Variants in OTOGL observed in about 807,000 individuals in gnomAD.
The protein encoded by OTOGL is otogelin-like protein.
In OTOGL, 285 loss-of-function variants were observed where a neutral mutation model predicts 318.5. The ratio of observed to expected loss-of-function variants is 0.89; its 90% CI spans 0.81 to 0.99. OTOGL has a LOEUF of 0.99. Ranked by LOEUF, OTOGL falls within the 50% of genes least tolerant of loss-of-function variation. The pLI, the probability that OTOGL is intolerant of heterozygous loss-of-function variation, is 0.00. For synonymous variants in OTOGL, 987 were observed against 936.5 expected (o/e 1.05, Z -0.99); for missense variants, 2,899 against 2,845.6 (o/e 1.02, Z -0.43).
chr12:80,182,549 T>C (rs1300892342), intron 1 of OTOGL, among the ~76,000 whole-genome samples: 1 of 152,210 alleles, frequency 6.6e-6, no homozygotes, highest in Non-Finnish European at 1.5e-5. Flanking sequence ...TAGAGGTTGG[T>C]TGAAGGCATA....
chr12:80,228,444 A>AAAAC (rs148704604), intron 7 of OTOGL, among the ~76,000 whole-genome samples: 3,002 of 152,156 alleles, frequency 0.02, 92 homozygotes, highest in African/African-American at 0.069. Context: ...TCTATCTCAA[A>AAAAC]AAACAAACAA....
chr12:80,308,041 G>T (rs1393310841), intron 29 of OTOGL, among the ~76,000 whole-genome samples: 1 of 142,182 alleles, frequency 7.0e-6, no homozygotes, highest in African/African-American at 2.7e-5. Flanking sequence ...CTGGCCGCGC[G>T]GGGGGCTGAT....
chr12:80,320,710 C>G lies in OTOGL; in HGVS notation c.4081+10C>G, dbSNP rs560266718. Reference sequence around the variant, plus strand: ...AGCTTCAGCATAGAAGGTATGTTTCCTGAGATCTCCAAAAAGAGAACAAAT... The same window carrying G: ...AGCTTCAGCATAGAAGGTATGTTTCGTGAGATCTCCAAAAAGAGAACAAAT... On this transcript the variant is annotated intron_variant, in intron 34 of 58. Coordinates refer to ENST00000547103, the MANE Select transcript of OTOGL (RefSeq NM_001378609.3). 32 of 1,571,854 alleles carry G rather than the reference C, an allele frequency of 2.0e-5. No individual in the cohort carries two copies. The African/African-American group carries it at 3.8e-4, about 19-fold the overall frequency.
chr12:80,352,231 C>G, intron 44 of OTOGL, 64 bp from the exon 45 acceptor site: 3 of 1,394,626 alleles, frequency 2.2e-6, no homozygotes, highest in East Asian at 2.3e-5. Context: ...TAATCTTAGT[C>G]TAGCTTAGGG....
chr12:80,329,089 C>T lies in OTOGL; in HGVS notation c.4318C>T (p.Pro1440Ser), dbSNP rs374900074. 2.6e-6 allele frequency: 4 copies of T among 1,552,490 alleles called. No homozygotes were observed. In the African/African-American group the frequency reaches 5.6e-5, roughly 22 times the overall value. The change falls in exon 37 of 59, where the codon CCA becomes TCA. Residue 1440 changes from proline (P) to serine (S), a missense_variant. Pro to Ser is a moderately conservative substitution (Grantham distance 74, BLOSUM62 -1). Transcript: ENST00000547103. ...VIPTEPTLMP[P>S]AKPTVPMFTV... The stretch of plus-strand genomic sequence containing the variant: ...TCCCACAGAACCAACATTAATGCCA[C>T]CAGCTAAGCCAACTGTGCCCATGTT...
chr12:80,244,283 T>C (rs573074497), intron 11 of OTOGL, among the ~76,000 whole-genome samples: 59 of 149,890 alleles, frequency 3.9e-4, no homozygotes, highest in Non-Finnish European at 7.9e-4. Flanking sequence ...ACTCATCATC[T>C]AGCATTAGGT....
chr12:80,152,567 TG>T (rs921161268), intron 1 of OTOGL, among the ~76,000 whole-genome samples: 3 of 152,234 alleles, frequency 2.0e-5, no homozygotes, highest in African/African-American at 7.2e-5. Context: ...AAACAGTCTA[TG>T]GATGTAAGGT....
chr12:80,177,207 A>G (rs562100621), intron 1 of OTOGL, among the ~76,000 whole-genome samples: 1 of 152,238 alleles, frequency 6.6e-6, no homozygotes, highest in African/African-American at 2.4e-5. Context: ...TGCAAAAACC[A>G]AGGGAATGAA....
At chr12:80,146,792 T>A (rs1698630135) in intron 1 of OTOGL, among the ~76,000 whole-genome samples, 2 of 150,810 alleles carry the variant, frequency 1.3e-5, no homozygotes, top group African/African-American at 4.9e-5. Flanking sequence ...CTTGGGAGAG[T>A]GTATGTGTCG....
chr12:80,108,106 A>G (rs2137074033), intron 1 of OTOGL, among the ~76,000 whole-genome samples: 1 of 152,284 alleles, frequency 6.6e-6, no homozygotes, highest in Non-Finnish European at 1.5e-5. Flanking sequence ...ATAAAAGTTA[A>G]AAAGAAATAA....
intron 7 of OTOGL, among the ~76,000 whole-genome samples, chr12:80,224,899 T>C (rs1878686400): frequency 2.0e-5 from 3 of 152,054 alleles, no homozygotes; most frequent in African/African-American, 7.2e-5. Flanking sequence ...AAAAGTGTAA[T>C]TGGATTGTTT....
At chr12:80,340,780 G>T (rs897579050) in intron 43 of OTOGL, among the ~76,000 whole-genome samples, 1 of 152,170 alleles carries the variant, frequency 6.6e-6, no homozygotes. Context: ...ACACTGGAAT[G>T]AGAGGCTTAT....
intron 35 of OTOGL, among the ~76,000 whole-genome samples, chr12:80,326,249 TG>T (rs1887672786): frequency 6.6e-6 from 1 of 152,090 alleles, no homozygotes; most frequent in Non-Finnish European, 1.5e-5. Flanking sequence ...TAGATAAAAA[TG>T]TTTCATGAAA....
chr12:80,336,651 G>T, intron 40 of OTOGL, 96 bp downstream of exon 40: 1 of 1,454,848 alleles, frequency 6.9e-7, no homozygotes, highest in Non-Finnish European at 9.4e-7. Flanking sequence ...GGGAGCTCAA[G>T]AACTCACTGA....
chr12:80,299,527 C>T (rs1361094624), intron 27 of OTOGL, among the ~76,000 whole-genome samples: 3 of 150,728 alleles, frequency 2.0e-5, no homozygotes, highest in Non-Finnish European at 4.4e-5. Flanking sequence ...AAAGAAATCC[C>T]CTGCAATATT....
intron 34 of OTOGL, among the ~76,000 whole-genome samples, chr12:80,323,294 G>C (rs949077480): frequency 6.6e-6 from 1 of 152,094 alleles, no homozygotes; most frequent in African/African-American, 2.4e-5. Context: ...CTTCAGTTCT[G>C]TCTTTCCTGT....
At chr12:80,247,147 T>C (rs1434443459) in intron 11 of OTOGL, among the ~76,000 whole-genome samples, 2 of 146,206 alleles carry the variant, frequency 1.4e-5, no homozygotes, top group Non-Finnish European at 3.0e-5. Flanking sequence ...GAAGGGTTTT[T>C]TGTGTCTCTG....
intron 47 of OTOGL, 39 bp from the exon 48 acceptor site, chr12:80,356,377 T>C: frequency 1.3e-6 from 2 of 1,502,468 alleles, no homozygotes; most frequent in Non-Finnish European, 1.8e-6. Context: ...AGATTTTAGT[T>C]GTGTTCACTA....
intron 1 of OTOGL, among the ~76,000 whole-genome samples, chr12:80,103,746 T>C (rs1217671805): frequency 6.6e-6 from 1 of 152,230 alleles, no homozygotes; most frequent in Non-Finnish European, 1.5e-5. Context: ...CTGAATAATA[T>C]GGAAATACCG....
Sources: gnomAD v4.1 joint callset for allele counts (sites outside exome capture counted in the v4.1 genomes callset) on GRCh38, gnomAD v4.1.1 for gene constraint, MANE v1.5 for transcripts, NCBI Gene and HGNC (gene_info 2026-07-23, HGNC 2026-07-21) for gene names.